PLCL1: variants seen among roughly 807,000 people sequenced by gnomAD.
The protein encoded by PLCL1 is inactive phospholipase C-like protein 1.
A neutral mutation model predicts 84.4 loss-of-function variants in PLCL1; 41 were observed. That is an observed-to-expected ratio of 0.49 (90% CI 0.38 to 0.63). PLCL1 has a LOEUF of 0.63. Among genes scored for constraint, PLCL1 ranks in the 30% least tolerant of loss-of-function variants. PLCL1 has a pLI of 0.00. For synonymous variants in PLCL1, 490 were observed against 488.3 expected, an observed-to-expected ratio of 1.00 and a Z score of -0.05; for missense variants, 1,206 against 1,367.8, an observed-to-expected ratio of 0.88 and a Z score of 1.87.
intron 1 of PLCL1, among the ~76,000 whole-genome samples, chr2:197,999,470 T>A (rs1268521550): frequency 6.6e-6 from 1 of 152,208 alleles, no homozygotes; most frequent in Non-Finnish European, 1.5e-5. Flanking sequence ...TATCATATCC[T>A]AAAATTTGTA....
chr2:197,973,903 A>C (rs927521684), intron 1 of PLCL1, among the ~76,000 whole-genome samples: 1 of 152,204 alleles, frequency 6.6e-6, no homozygotes, highest in African/African-American at 2.4e-5. Flanking sequence ...TAGGTGAAGA[A>C]TGGATAGTGG....
chr2:197,840,890 A>T (rs1270718636), intron 1 of PLCL1, among the ~76,000 whole-genome samples: 1 of 152,218 alleles, frequency 6.6e-6, no homozygotes. Context: ...CTAGTGGAAG[A>T]TCATGGAAAA....
chr2:197,865,616 G>A (rs1030659131), intron 1 of PLCL1, among the ~76,000 whole-genome samples: 2 of 151,970 alleles, frequency 1.3e-5, no homozygotes, highest in East Asian at 1.9e-4. Flanking sequence ...CTTTAAAAAA[G>A]CACAAATATA....
In PLCL1 at chr2:198,055,329, C is replaced by CTCTGTG. The variant is rs374518934; in HGVS notation, c.241-28428_241-28427insCTGTGT. 4.0e-3 allele frequency among the ~76,000 whole-genome samples: 454 copies of CTCTGTG among 112,338 alleles called. 1 individual carries two copies. Among genetic ancestry groups the CTCTGTG allele is most frequent in the African/African-American group, 0.012 (344 of 28,518 alleles). 73.7% of individuals were successfully genotyped at this position (112,338 alleles called of 152,430 possible). On this transcript the variant is annotated intron_variant, in intron 1 of 5. Coordinates refer to ENST00000428675, the MANE Select transcript of PLCL1 (RefSeq NM_006226.4). ...TCTCTCTCTCTCTCTCTCTCTCTCTCTGTGTGTGTGTGTGTCTGTGTATGA... is the reference window on the plus strand; with the variant it reads ...TCTCTCTCTCTCTCTCTCTCTCTCTCTCTGTGTGTGTGTGTGTGTGTCTGTGTATGA...
At chr2:197,982,215 G>A (rs992030780) in intron 1 of PLCL1, among the ~76,000 whole-genome samples, 1 of 149,454 alleles carries the variant, frequency 6.7e-6, no homozygotes, top group Non-Finnish European at 1.5e-5. Flanking sequence ...ATATATATAT[G>A]TATATATATA....
chr2:198,104,681 T>G (rs2105914623), intron 5 of PLCL1, among the ~76,000 whole-genome samples: 1 of 152,228 alleles, frequency 6.6e-6, no homozygotes, highest in East Asian at 1.9e-4. Flanking sequence ...TTCGCTTTTC[T>G]CCACAACCTT....
At chr2:198,034,012 A>G (rs1264326171) in intron 1 of PLCL1, among the ~76,000 whole-genome samples, 2 of 151,944 alleles carry the variant, frequency 1.3e-5, no homozygotes, top group African/African-American at 2.4e-5. Context: ...TCTTATTATT[A>G]TACTTTAAGT....
At chr2:198,026,733 G>A (rs773531324) in intron 1 of PLCL1, among the ~76,000 whole-genome samples, 15 of 152,076 alleles carry the variant, frequency 9.9e-5, no homozygotes, top group African/African-American at 3.6e-4. Flanking sequence ...CAAATGGCTG[G>A]CAGGCCATTT....
At chr2:197,872,972 A>G (rs1220272113) in intron 1 of PLCL1, among the ~76,000 whole-genome samples, 4 of 151,966 alleles carry the variant, frequency 2.6e-5, no homozygotes, top group South Asian at 2.1e-4. Context: ...CTATTACCTT[A>G]TTTTCCTGAT....
intron 1 of PLCL1, among the ~76,000 whole-genome samples, chr2:197,844,443 A>G (rs572155128): frequency 2.0e-5 from 3 of 152,244 alleles, no homozygotes; most frequent in African/African-American, 7.2e-5. Flanking sequence ...TGTGTGAAGC[A>G]ATAGTTTATT....
chr2:198,073,474 A>G (rs1383493040), intron 1 of PLCL1, among the ~76,000 whole-genome samples: 1 of 152,214 alleles, frequency 6.6e-6, no homozygotes, highest in Non-Finnish European at 1.5e-5. Context: ...AAAACTTAAA[A>G]CCTTTAATCA....
intron 1 of PLCL1, among the ~76,000 whole-genome samples, chr2:197,894,097 A>C (rs535208516): frequency 3.3e-4 from 50 of 151,936 alleles, no homozygotes; most frequent in Non-Finnish European, 4.3e-4. Flanking sequence ...AAATTCCACC[A>C]GCTGACTTCT....
intron 1 of PLCL1, among the ~76,000 whole-genome samples, chr2:197,993,277 T>C (rs1690380057): frequency 6.6e-6 from 1 of 152,214 alleles, no homozygotes; most frequent in African/African-American, 2.4e-5. Context: ...GAGCATTTTT[T>C]CATGTGCTTT....
At chr2:197,834,671 A>T (rs909786943) in intron 1 of PLCL1, among the ~76,000 whole-genome samples, 15 of 152,234 alleles carry the variant, frequency 9.9e-5, no homozygotes, top group Admixed American at 4.6e-4. Flanking sequence ...GAGGATATGG[A>T]GAAATAGGAA....
chr2:198,062,971 T>G (rs1206679981), intron 1 of PLCL1, among the ~76,000 whole-genome samples: 2 of 152,130 alleles, frequency 1.3e-5, no homozygotes, highest in African/African-American at 4.8e-5. Flanking sequence ...AGTCTGAAAG[T>G]CTGCAATTTT....
chr2:198,040,872 T>C (rs1295632005), intron 1 of PLCL1, among the ~76,000 whole-genome samples: 2 of 152,182 alleles, frequency 1.3e-5, no homozygotes, highest in East Asian at 3.8e-4. Context: ...TACCCAAATA[T>C]GTGAACCAAA....
chr2:197,919,408 A>T (rs553246525), intron 1 of PLCL1, among the ~76,000 whole-genome samples: 1 of 152,232 alleles, frequency 6.6e-6, no homozygotes, highest in Admixed American at 6.5e-5. Flanking sequence ...CATGTCGTTT[A>T]CTATCATGAT....
intron 1 of PLCL1, among the ~76,000 whole-genome samples, chr2:197,829,531 TTTC>T (rs1174589880): frequency 6.6e-6 from 1 of 152,234 alleles, no homozygotes. Flanking sequence ...ATAAATTAAT[TTTC>T]TTCTTTTTAA....
intron 1 of PLCL1, among the ~76,000 whole-genome samples, chr2:197,985,001 T>C (rs2105808017): frequency 6.6e-6 from 1 of 152,040 alleles, no homozygotes; most frequent in Admixed American, 6.5e-5. Context: ...AATGCAGTGG[T>C]GCGATCATTA....
Sources: allele counts gnomAD v4.1 joint callset (sites outside exome capture counted in the v4.1 genomes callset), GRCh38; gene constraint gnomAD v4.1.1; transcripts MANE v1.5; gene names NCBI Gene and HGNC (gene_info 2026-07-23, HGNC 2026-07-21).